The following KCP variants were observed in gnomAD, a reference collection of about 807,000 sequenced individuals.
KCP encodes kielin/chordin-like protein.
A neutral mutation model predicts 212.7 loss-of-function variants in KCP; 194 were observed. The ratio of observed to expected loss-of-function variants is 0.91; its 90% confidence interval spans 0.81 to 1.03. KCP has a LOEUF of 1.03. Ranked by LOEUF, KCP falls within the 50% of genes least tolerant of loss-of-function variation. The pLI, the probability that KCP is intolerant of heterozygous loss-of-function variation, is 0.00. For synonymous variants in KCP, 833 were observed against 865.3 expected (o/e 0.96, Z 0.65); for missense variants, 2,080 against 2,162.5 (o/e 0.96, Z 0.76).
At position 128,892,486 on chromosome 7, in the gene KCP, C is replaced by A. The variant is rs1381953695; in HGVS notation, c.1621+28G>T. The A allele has an allele frequency of 2.1e-6, 3 of 1,450,270 alleles. No homozygotes were observed. In the East Asian group the frequency reaches 7.5e-5, roughly 36 times the overall value. The allele number at this position is 1,450,270 out of a possible 1,614,324, so 89.8% of individuals were successfully genotyped here. On this transcript the variant is annotated intron_variant, in intron 16 of 39. Transcript: ENST00000610776. ...GACAGCAGCCTCTGGGGCCCTGATCCCCTCAGGCCCAGTGAGTGCCCACAT... is the reference window on the plus strand; with the variant it reads ...GACAGCAGCCTCTGGGGCCCTGATCACCTCAGGCCCAGTGAGTGCCCACAT...
In KCP at chr7:128,893,462, C is replaced by T. The variant is rs1231616920; in HGVS notation, c.1114G>A (p.Gly372Arg). 3 of 1,551,132 alleles carry T rather than the reference C, an allele frequency of 1.9e-6. No homozygotes were observed. The highest frequency in any genetic ancestry group is 2.6e-6 in the Non-Finnish European group (3 of 1,146,704). Reference sequence around the variant, plus strand: ...GTCTCCTGGCTCTGATACTGGTGTCCCTGGTACTCACAGCCTGGATGGGAT... The same window carrying T: ...GTCTCCTGGCTCTGATACTGGTGTCTCTGGTACTCACAGCCTGGATGGGAT... ...CPVCDGCEYQ[G>R]HQYQSQETFR... is the part of the protein sequence containing the mutation. Residue 372 changes from glycine (G) to arginine (R), a missense_variant, in exon 12 of 40, where the codon GGA (glycine) becomes AGA (arginine). Physicochemically the swap from Gly to Arg is moderately radical, Grantham distance 125. Coordinates refer to ENST00000610776, the MANE Select transcript of KCP (RefSeq NM_001366122.1).
At chr7:128,904,846 C>T (rs559631964) in intron 5 of KCP, among the ~76,000 whole-genome samples, 19 of 152,292 alleles carry the variant, frequency 1.2e-4, no homozygotes, top group African/African-American at 2.9e-4. Flanking sequence ...GTAAAGTGTC[C>T]GATAGGCACA....
chr7:128,880,204 C>T, intron 34 of KCP, 119 bp from the exon 35 acceptor site: 4 of 1,310,074 alleles, frequency 3.1e-6, no homozygotes, highest in Non-Finnish European at 3.1e-6. Context: ...ACTCTGGCTC[C>T]CAGGCTCCCT....
intron 8 of KCP, among the ~76,000 whole-genome samples, chr7:128,896,541 C>T (rs565976750): frequency 2.0e-5 from 3 of 152,008 alleles, no homozygotes; most frequent in Non-Finnish European, 2.9e-5. Context: ...GTGGGACATG[C>T]GGAGCTTTTT....
At chr7:128,889,378 C>T (rs2128946791) in intron 21 of KCP, among the ~76,000 whole-genome samples, 1 of 152,310 alleles carries the variant, frequency 6.6e-6, no homozygotes, top group East Asian at 1.9e-4. Flanking sequence ...CTGGGAGTAG[C>T]CCCAGCTGAC....
At chr7:128,887,468 C>G (rs1359684982) in intron 22 of KCP, among the ~76,000 whole-genome samples, 168 bp from the exon 23 acceptor site, 1 of 150,996 alleles carries the variant, frequency 6.6e-6, no homozygotes, top group Non-Finnish European at 1.5e-5. Flanking sequence ...ACCACATACA[C>G]ACACACAGCC....
At position 128,902,809 on chromosome 7, in the gene KCP, G is replaced by A; in HGVS notation, c.799C>T (p.Pro267Ser). 6.4e-7 allele frequency: 1 copy of A among 1,551,562 alleles called. No homozygotes were observed. Among genetic ancestry groups the A allele is most frequent in the Non-Finnish European group, 8.7e-7 (1 of 1,147,016 alleles). The change falls in exon 8 of 40, where the codon CCT becomes TCT. Residue 267 changes from proline to serine, a missense_variant. Transcript: ENST00000610776. Reference protein sequence around the residue: ...HWEHGQEWTTPGDPCRICRCL... With the variant: ...HWEHGQEWTTSGDPCRICRCL... ...CGGCAGATTCGGCAGGGGTCCCCAG[G>A]TGTTGTCCACTCTTGGCCATGTTCC...
At chr7:128,892,827 G>A (rs1269349641) in intron 14 of KCP, 33 bp from the exon 15 acceptor site, 5 of 1,551,390 alleles carry the variant, frequency 3.2e-6, no homozygotes, top group Non-Finnish European at 4.4e-6. Context: ...GGTGAGCTGG[G>A]TAATGCAGGG....
At chr7:128,891,303 G>C in intron 18 of KCP, 25 bp from the exon 19 acceptor site, 1 of 1,547,574 alleles carries the variant, frequency 6.5e-7, no homozygotes, top group Non-Finnish European at 8.7e-7. Flanking sequence ...ACGCACCACG[G>C]GTCAGTGGGT....
At chr7:128,906,717 G>T (rs1191369438) in intron 4 of KCP, among the ~76,000 whole-genome samples, 1 of 152,140 alleles carries the variant, frequency 6.6e-6, no homozygotes, top group East Asian at 1.9e-4. Flanking sequence ...CAGGCCAGGG[G>T]GTTCCGAAGT....
chr7:128,906,290 T>C lies in KCP; in HGVS notation c.560A>G (p.His187Arg), dbSNP rs1302905996. The C allele has an allele frequency of 9.0e-6, 14 of 1,550,810 alleles. No homozygotes were observed. Among genetic ancestry groups the C allele is most frequent in the Non-Finnish European group, 1.2e-5 (14 of 1,146,742 alleles). The change falls in exon 5 of 40, where the codon CAC becomes CGC. Residue 187 changes from histidine (H) to arginine (R), a missense_variant. Coordinates refer to ENST00000610776, the MANE Select transcript of KCP (RefSeq NM_001366122.1). ...PCPEPGACCP[H>R]CKPGCDYEGQ... ...GGCAGGAGGCTGACCTGGCTTACAG[T>C]GCGGGCAGCATGCTCCTGGCTCAGG...
chr7:128,899,191 T>C (rs185173725), intron 8 of KCP, among the ~76,000 whole-genome samples: 1 of 152,344 alleles, frequency 6.6e-6, no homozygotes, highest in African/African-American at 2.4e-5. Flanking sequence ...ATAATGCTGA[T>C]ATGACTTAGT....
intron 8 of KCP, among the ~76,000 whole-genome samples, chr7:128,900,263 G>C (rs750615958): frequency 3.9e-5 from 6 of 152,208 alleles, no homozygotes; most frequent in Non-Finnish European, 7.3e-5. Context: ...GGAAACTAGA[G>C]ACAGAAATAT....
At chr7:128,888,818 C>T (rs755927054) in intron 22 of KCP, 45 bp downstream of exon 22, 6 of 1,526,954 alleles carry the variant, frequency 3.9e-6, no homozygotes, top group Non-Finnish European at 5.3e-6. Context: ...GAAAGGCACC[C>T]CGGGAGCCCC....
chr7:128,909,124 G>A (rs1795301047), intron 1 of KCP, among the ~76,000 whole-genome samples: 1 of 152,204 alleles, frequency 6.6e-6, no homozygotes, highest in Non-Finnish European at 1.5e-5. Flanking sequence ...AAGAGGGACG[G>A]GGCACCTCTG....
chr7:128,891,111 C>T lies in KCP; in HGVS notation c.1973-15G>A, dbSNP rs1219502630. ...GGCTGGGGCGGCTGCGGCGAGACAGCGCATCAAAGGGGCCCAGGAACAGGC... is the reference window on the plus strand; with the variant it reads ...GGCTGGGGCGGCTGCGGCGAGACAGTGCATCAAAGGGGCCCAGGAACAGGC... On this transcript the variant is annotated splice_polypyrimidine_tract_variant and intron_variant, in intron 19 of 39. Coordinates refer to ENST00000610776, the MANE Select transcript of KCP (RefSeq NM_001366122.1). 1 of 1,479,040 alleles carries T rather than the reference C, an allele frequency of 6.8e-7. No homozygotes were observed. 91.6% of individuals were successfully genotyped at this position (1,479,040 alleles called of 1,614,324 possible).
Position 128,895,644 on chromosome 7 carries a change from G to A in KCP, c.832-1351C>T, listed in dbSNP as rs146063871. 6.2e-3 allele frequency among the ~76,000 whole-genome samples: 941 copies of A among 152,286 alleles called. 16 individuals are homozygous for A. Among genetic ancestry groups the A allele is most frequent in the South Asian group, 0.06 (288 of 4,816 alleles). On this transcript the variant is annotated intron_variant, in intron 8 of 39. Transcript: ENST00000610776. Reference sequence around the variant, plus strand: ...AAGTCACAGGATGACAAAAGAGGTCGGCACAAAATACAGATCATAAAGACC... The same window carrying A: ...AAGTCACAGGATGACAAAAGAGGTCAGCACAAAATACAGATCATAAAGACC...
In KCP at chr7:128,886,725, TGAGA is replaced by T; in HGVS notation, c.2698_2701del (p.Ser900ArgfsTer184). On this transcript the variant is annotated frameshift_variant, in exon 25 of 40. Transcript: ENST00000610776. LOFTEE classifies it high-confidence loss of function. ...CTCCCCATCCTGGTGCTCCCGGCCC[TGAGA>T]GAGACAGCCTGTGGGGGACACACCT... is the stretch of plus-strand genomic sequence containing the variant. 2 of 1,551,472 alleles carry T rather than the reference TGAGA, an allele frequency of 1.3e-6. No homozygotes were observed. Among genetic ancestry groups the T allele is most frequent in the Non-Finnish European group, 1.7e-6 (2 of 1,146,868 alleles).
rs1029040313 is a variant in KCP at position 128,893,287 on chromosome 7, G to A, written c.1218C>T (p.Cys406=). The part of the protein sequence containing the change: ...AGEVSCEEQE[C]PVTPCALPAS... Reference sequence around the variant, plus strand: ...CAGGCAGGGCACAGGGGGTGACTGGGCACTCCTGCTCCTCACAGGAGACCT... The same window carrying A: ...CAGGCAGGGCACAGGGGGTGACTGGACACTCCTGCTCCTCACAGGAGACCT... Residue 406 remains cysteine (C), a synonymous_variant, in exon 13 of 40, where the codon TGC becomes TGT. Transcript: ENST00000610776. 6.4e-7 allele frequency: 1 copy of A among 1,551,534 alleles called. No homozygotes were observed. Among genetic ancestry groups the A allele is most frequent in the Non-Finnish European group, 8.7e-7 (1 of 1,146,916 alleles).
Sources: allele counts gnomAD v4.1 joint callset (sites outside exome capture counted in the v4.1 genomes callset), GRCh38; gene constraint gnomAD v4.1.1; transcripts MANE v1.5; gene names NCBI Gene and HGNC (gene_info 2026-07-23, HGNC 2026-07-21).